The following SMOC2 variants were observed in gnomAD, a reference collection of about 807,000 sequenced individuals.
The protein encoded by SMOC2 is SPARC related modular calcium binding 2, also known as SPARC-related modular calcium-binding protein 2.
SMOC2 carries 39 observed loss-of-function variants against 61.4 expected under a neutral mutation model. That is an observed-to-expected ratio of 0.64 (90% CI 0.49 to 0.83). The LOEUF (loss-of-function observed/expected upper bound fraction) is 0.83, where lower values mean the gene tolerates loss of function less well. Ranked by LOEUF, SMOC2 falls within the 40% of genes least tolerant of loss-of-function variation. The pLI is 0.00. For synonymous variants in SMOC2, 247 were observed against 239.9 expected, an observed-to-expected ratio of 1.03 and a Z score of -0.27; for missense variants, 556 against 592.9, an observed-to-expected ratio of 0.94 and a Z score of 0.65.
chr6:168,500,303 A>AAAG (rs1419619225), intron 1 of SMOC2, among the ~76,000 whole-genome samples: 1 of 150,978 alleles, frequency 6.6e-6, no homozygotes, highest in Admixed American at 6.6e-5. Flanking sequence ...AAAAAAAAAA[A>AAAG]AAGAAGAAGA....
At chr6:168,496,571 C>T (rs75736164) in intron 1 of SMOC2, among the ~76,000 whole-genome samples, 6,548 of 152,286 alleles carry the variant, frequency 0.043, 205 homozygotes, top group South Asian at 0.16. Flanking sequence ...CCTGTCGCCC[C>T]AGCCCTCGAG....
At chr6:168,529,684 G>A (rs1204990849) in intron 4 of SMOC2, among the ~76,000 whole-genome samples, 1 of 152,228 alleles carries the variant, frequency 6.6e-6, no homozygotes, top group Non-Finnish European at 1.5e-5. Flanking sequence ...GGAGAATTAT[G>A]GAGGCGAGAG....
intron 9 of SMOC2, among the ~76,000 whole-genome samples, chr6:168,623,143 C>T (rs35415916): frequency 0.15 from 22,980 of 151,992 alleles, 2,117 homozygotes; most frequent in Middle Eastern, 0.3. Context: ...TCCAGGGTAT[C>T]TCTATAGAAA....
At chr6:168,660,995 G>T (rs529677003) in intron 11 of SMOC2, among the ~76,000 whole-genome samples, 12 of 152,228 alleles carry the variant, frequency 7.9e-5, no homozygotes, top group Admixed American at 2.6e-4. Context: ...GAATATGATC[G>T]CTCCTAGCAA....
intron 7 of SMOC2, among the ~76,000 whole-genome samples, chr6:168,588,797 T>C (rs1188880663): frequency 1.3e-5 from 2 of 152,322 alleles, no homozygotes; most frequent in Middle Eastern, 3.4e-3. Flanking sequence ...TTGCTTAACA[T>C]AGAAGTAAAT....
chr6:168,444,055 G>A (rs1188636001), intron 1 of SMOC2, among the ~76,000 whole-genome samples: 1 of 152,188 alleles, frequency 6.6e-6, no homozygotes, highest in East Asian at 1.9e-4. Flanking sequence ...AATTGATACC[G>A]TAATTATCAA....
At chr6:168,447,049 C>A (rs916299721) in intron 1 of SMOC2, among the ~76,000 whole-genome samples, 1 of 152,096 alleles carries the variant, frequency 6.6e-6, no homozygotes, top group African/African-American at 2.4e-5. Context: ...ACTTTACGGT[C>A]TTCTTCCCCG....
At chr6:168,608,867 A>G (rs114167169) in intron 9 of SMOC2, among the ~76,000 whole-genome samples, 2,090 of 152,268 alleles carry the variant, frequency 0.014, 44 homozygotes, top group African/African-American at 0.046. Flanking sequence ...CAGATTGTGT[A>G]TGTTTAACCA....
chr6:168,665,918 C>A (rs1357091964), intron 12 of SMOC2, among the ~76,000 whole-genome samples: 1 of 148,306 alleles, frequency 6.7e-6, no homozygotes, highest in East Asian at 2.0e-4. Context: ...TTTTTTTTTT[C>A]ATTCTAAATT....
chr6:168,626,392 G>A (rs1263705550), intron 9 of SMOC2, among the ~76,000 whole-genome samples: 1 of 152,198 alleles, frequency 6.6e-6, no homozygotes, highest in Non-Finnish European at 1.5e-5. Context: ...ATTTCTGCAG[G>A]CACAGCTCGG....
chr6:168,483,929 C>A (rs992819617), intron 1 of SMOC2, among the ~76,000 whole-genome samples: 2 of 152,074 alleles, frequency 1.3e-5, no homozygotes, highest in South Asian at 2.1e-4. Context: ...ACATCAGATA[C>A]AATAATTAAC....
Position 168,553,801 on chromosome 6 carries a change from T to C in SMOC2, c.637+4598T>C, listed in dbSNP as rs954188927. Among the ~76,000 whole-genome samples the C allele has an allele frequency of 1.3e-5, 2 of 152,176 alleles. No homozygotes were observed. Among genetic ancestry groups the C allele is most frequent in the African/African-American group, 4.8e-5 (2 of 41,434 alleles). On this transcript the variant is annotated intron_variant, in intron 7 of 12. Coordinates refer to ENST00000356284, the MANE Select transcript of SMOC2 (RefSeq NM_001166412.2). This position sits in a 1 kb window ranked among gnomAD's most constrained non-coding sequence, Gnocchi z 4.2. ...CACCATTTGCCATAGTGACGTGACC[T>C]ATGGGAAAGAGCACTCAGAAATAAT...
intron 9 of SMOC2, among the ~76,000 whole-genome samples, chr6:168,650,191 A>G (rs905086784): frequency 6.6e-6 from 1 of 152,044 alleles, no homozygotes; most frequent in African/African-American, 2.4e-5. Context: ...TCCCCAGGAG[A>G]CGGGCGTTGG....
At chr6:168,587,790 AC>A (rs1490890063) in intron 7 of SMOC2, among the ~76,000 whole-genome samples, 5 of 152,106 alleles carry the variant, frequency 3.3e-5, no homozygotes, top group Admixed American at 3.3e-4. Flanking sequence ...TCAGGAATAA[AC>A]TGAGGGGCAG....
At chr6:168,658,510 G>A (rs555462583) in intron 11 of SMOC2, among the ~76,000 whole-genome samples, 3 of 152,190 alleles carry the variant, frequency 2.0e-5, no homozygotes, top group Non-Finnish European at 2.9e-5. Flanking sequence ...CACCTGAAAC[G>A]TAAGCCACGC....
chr6:168,582,107 A>G (rs1233501860), intron 7 of SMOC2, among the ~76,000 whole-genome samples: 2 of 152,226 alleles, frequency 1.3e-5, no homozygotes, highest in East Asian at 3.8e-4. Context: ...ACACAGCACC[A>G]GGTTCCAGGC....
chr6:168,664,124 A>AGGGAGGTCATGCTGAAAG lies in SMOC2; in HGVS notation c.1323+13_1323+14insGGGAGGTCATGCTGAAAG. ...GTCTAATAGACAGGTAAGTATGTTTATATTTTACTCTTAACCATTTCGTTT... is the reference window on the plus strand; with the variant it reads ...GTCTAATAGACAGGTAAGTATGTTTAGGGAGGTCATGCTGAAAGTATTTTACTCTTAACCATTTCGTTT... On this transcript the variant is annotated intron_variant, in intron 12 of 12. Transcript: ENST00000356284. 6.3e-7 allele frequency: 1 copy of AGGGAGGTCATGCTGAAAG among 1,595,286 alleles called. No homozygotes were observed. The highest frequency in any genetic ancestry group is 8.6e-7 in the Non-Finnish European group (1 of 1,169,260).
chr6:168,599,451 ACCC>A (rs1410539399), intron 8 of SMOC2, among the ~76,000 whole-genome samples: 3 of 90,438 alleles, frequency 3.3e-5, no homozygotes, highest in Admixed American at 1.4e-4. Flanking sequence ...ACACATTCGT[ACCC>A]CCACACACCC....
At chr6:168,634,571 G>T (rs1174578471) in intron 9 of SMOC2, among the ~76,000 whole-genome samples, 1 of 152,182 alleles carries the variant, frequency 6.6e-6, no homozygotes, top group Non-Finnish European at 1.5e-5. Flanking sequence ...AAAGTTCATG[G>T]TCCTGAGAGA....
Sources: allele counts gnomAD v4.1 joint callset (sites outside exome capture counted in the v4.1 genomes callset), GRCh38; gene constraint gnomAD v4.1.1; non-coding constraint Gnocchi (gnomAD v3.1); transcripts MANE v1.5; gene names NCBI Gene and HGNC (gene_info 2026-07-23, HGNC 2026-07-21).